The following SYT16 variants were observed in gnomAD, a reference collection of about 807,000 sequenced individuals.
The protein encoded by SYT16 is synaptotagmin 16.
SYT16 carries 42 observed loss-of-function variants against 61.4 expected under a neutral mutation model. The observed-to-expected ratio is 0.68, with a 90% CI of 0.53 to 0.89. The LOEUF is 0.89. Ranked by LOEUF, SYT16 falls within the 40% of genes least tolerant of loss-of-function variation. The probability of loss-of-function intolerance (pLI) is 0.00; values close to 1 mark genes in which losing one functional copy is unlikely to be tolerated. For missense variants in SYT16, 804 were observed against 807.3 expected (o/e 1.00, Z 0.05); for synonymous variants, 314 against 302.3 (o/e 1.04, Z -0.40).
Position 62,108,289 on chromosome 14 carries a change from G to T in SYT16, c.*7582G>T, listed in dbSNP as rs938156252. The T allele has an allele frequency of 6.6e-6, 1 of 152,164 alleles. No homozygotes were observed. Among genetic ancestry groups the T allele is most frequent in the African/African-American group, 2.4e-5 (1 of 41,442 alleles). The allele number at this position is 152,164 out of a possible 1,614,324, so 9.4% of individuals were successfully genotyped here. ...ATTAACTCAAAATCTTTGGTGGCCT[G>T]AAAATTCTGACTGAAAGCAAGTTTT... On this transcript the variant is annotated 3_prime_UTR_variant, in exon 8 of 8. Coordinates refer to ENST00000683842, the MANE Select transcript of SYT16 (RefSeq NM_001367656.1).
intron 1 of SYT16, among the ~76,000 whole-genome samples, chr14:61,854,206 A>G (rs1257567581): frequency 6.6e-6 from 1 of 152,220 alleles, no homozygotes; most frequent in Non-Finnish European, 1.5e-5. Context: ...AGTATTCATT[A>G]TGCAACTTTA....
intron 1 of SYT16, among the ~76,000 whole-genome samples, chr14:61,939,223 TTTAA>T (rs1353344030): frequency 6.6e-6 from 1 of 152,212 alleles, no homozygotes; most frequent in Non-Finnish European, 1.5e-5. Context: ...CTGGAGGACC[TTTAA>T]TTATTCTCTC....
At chr14:61,817,168 G>A (rs1462783486) in intron 1 of SYT16, among the ~76,000 whole-genome samples, 1 of 151,978 alleles carries the variant, frequency 6.6e-6, no homozygotes, top group Non-Finnish European at 1.5e-5. Context: ...TGTAATCCGA[G>A]CACTTTGGGA....
At chr14:62,003,325 T>G (rs1029969974) in intron 3 of SYT16, among the ~76,000 whole-genome samples, 3 of 152,066 alleles carry the variant, frequency 2.0e-5, no homozygotes, top group Non-Finnish European at 2.9e-5. Flanking sequence ...GTGAAGAACT[T>G]CTAAGTGGGC....
At chr14:62,069,532 C>A in intron 3 of SYT16, 71 bp from the exon 4 acceptor site, 3 of 1,422,068 alleles carry the variant, frequency 2.1e-6, no homozygotes, top group Admixed American at 3.7e-5. Flanking sequence ...CTTCTGTTTT[C>A]CTGGAGAGTC....
rs1387116244 is a variant in SYT16, at chr14:62,023,376, TC to T, written c.523+26839del. The stretch of plus-strand genomic sequence containing the variant: ...AGAATTTGACCACCAAACTCTGACT[TC>T]CCCCAAACATACAGGTGATAAAATC... On this transcript the variant is annotated intron_variant, in intron 3 of 7. Coordinates refer to ENST00000683842, the MANE Select transcript of SYT16 (RefSeq NM_001367656.1). 2.6e-5 allele frequency among the ~76,000 whole-genome samples: 4 copies of T among 152,236 alleles called. No homozygotes were observed. The East Asian group carries it at 7.7e-4, about 29-fold the overall frequency.
intron 3 of SYT16, among the ~76,000 whole-genome samples, chr14:62,051,341 G>A (rs983452293): frequency 1.3e-5 from 2 of 152,244 alleles, no homozygotes; most frequent in Non-Finnish European, 2.9e-5. Context: ...TAGGGTGGGA[G>A]TGACCCGATT....
At chr14:62,009,796 C>T (rs1187469301) in intron 3 of SYT16, among the ~76,000 whole-genome samples, 1 of 152,150 alleles carries the variant, frequency 6.6e-6, no homozygotes, top group Admixed American at 6.5e-5. Flanking sequence ...GAACCAGCCT[C>T]ATTGCAACCC....
intron 1 of SYT16, among the ~76,000 whole-genome samples, chr14:61,852,401 G>A (rs2046644048): frequency 6.6e-6 from 1 of 152,084 alleles, no homozygotes; most frequent in African/African-American, 2.4e-5. Context: ...TGGCTATTCA[G>A]GCTCTTTTTG....
intron 5 of SYT16, among the ~76,000 whole-genome samples, chr14:62,077,870 C>A (rs2140964106): frequency 6.6e-6 from 1 of 152,244 alleles, no homozygotes; most frequent in South Asian, 2.1e-4. Flanking sequence ...GGAGCTCTAC[C>A]CAGGACTCTC....
chr14:61,834,428 CT>C (rs35260303), intron 1 of SYT16, among the ~76,000 whole-genome samples: 227 of 76,840 alleles, frequency 3.0e-3, no homozygotes, highest in African/African-American at 0.011. Context: ...CCGTGCCTGG[CT>C]TTTTTTTTTT....
At chr14:61,812,927 C>T (rs2045313745) in intron 1 of SYT16, 117 bp downstream of exon 1, 2 of 152,362 alleles carry the variant, frequency 1.3e-5, no homozygotes, top group Admixed American at 6.5e-5. Flanking sequence ...GGCCGGGTCC[C>T]TCTCCGCTCC....
intron 1 of SYT16, among the ~76,000 whole-genome samples, chr14:61,831,616 A>T (rs758354087): frequency 2.6e-5 from 4 of 151,768 alleles, no homozygotes; most frequent in Non-Finnish European, 5.9e-5. Context: ...TGTGTTTCTT[A>T]TCTGTTAACT....
At chr14:61,827,112 A>G (rs1241306708) in intron 1 of SYT16, among the ~76,000 whole-genome samples, 1 of 150,774 alleles carries the variant, frequency 6.6e-6, no homozygotes, top group Non-Finnish European at 1.5e-5. Context: ...ATTTTGGGGA[A>G]CATAATTCAA....
At chr14:62,004,129 A>G (rs2053128392) in intron 3 of SYT16, among the ~76,000 whole-genome samples, 1 of 152,212 alleles carries the variant, frequency 6.6e-6, no homozygotes, top group Non-Finnish European at 1.5e-5. Flanking sequence ...TTATAAAGAA[A>G]AAAGCTTTAA....
chr14:62,053,403 C>T (rs965858713), intron 3 of SYT16, among the ~76,000 whole-genome samples: 2 of 152,210 alleles, frequency 1.3e-5, no homozygotes, highest in African/African-American at 4.8e-5. Context: ...CTCAGACCTT[C>T]AAAGTCAGAC....
intron 3 of SYT16, among the ~76,000 whole-genome samples, chr14:62,007,091 T>C (rs1268212632): frequency 1.3e-5 from 2 of 152,202 alleles, no homozygotes; most frequent in African/African-American, 4.8e-5. Context: ...CCTTTGCAGA[T>C]TGAAGGTATT....
chr14:62,050,146 T>C (rs1311148001), intron 3 of SYT16, among the ~76,000 whole-genome samples: 1 of 152,222 alleles, frequency 6.6e-6, no homozygotes, highest in Non-Finnish European at 1.5e-5. Flanking sequence ...CATAGTCCCA[T>C]ATTTCTTGGA....
intron 3 of SYT16, among the ~76,000 whole-genome samples, chr14:62,014,421 A>G (rs866296878): frequency 1.3e-5 from 2 of 151,616 alleles, no homozygotes; most frequent in Non-Finnish European, 2.9e-5. Context: ...ACTCCTCCTT[A>G]TCCCTACTAC....
Sources: allele counts gnomAD v4.1 joint callset (sites outside exome capture counted in the v4.1 genomes callset), GRCh38; gene constraint gnomAD v4.1.1; transcripts MANE v1.5; gene names NCBI Gene and HGNC (gene_info 2026-07-23, HGNC 2026-07-21).